Variants in VGLL2 observed in about 807,000 individuals in gnomAD.
The protein encoded by VGLL2 is vestigial like family member 2, also known as transcription cofactor vestigial-like protein 2.
Under a neutral mutation model 27.0 loss-of-function variants are expected in VGLL2, and 18 were observed. The observed-to-expected ratio is 0.67, with a 90% CI of 0.46 to 0.99. VGLL2 has a LOEUF of 0.99. Among genes scored for constraint, VGLL2 ranks in the 50% least tolerant of loss-of-function variants. The pLI is 0.00. For missense variants in VGLL2, 491 were observed against 452.3 expected (o/e 1.09, Z -0.78); for synonymous variants, 220 against 201.1 (o/e 1.09, Z -0.80).
chr6:117,268,172 C>A lies in VGLL2; in HGVS notation c.82-10C>A. 1 of 1,612,232 alleles carries A rather than the reference C, an allele frequency of 6.2e-7. No homozygotes were observed. The highest frequency in any genetic ancestry group is 1.1e-5 in the South Asian group (1 of 91,026). On this transcript the variant is annotated splice_polypyrimidine_tract_variant and intron_variant, in intron 1 of 3. Coordinates refer to ENST00000326274, the MANE Select transcript of VGLL2 (RefSeq NM_182645.3). Reference sequence around the variant, plus strand: ...AAATTGATATCTCTGTTCTTTCTCTCTCTGAACAGAAACTAGCCTATTATT... The same window carrying A: ...AAATTGATATCTCTGTTCTTTCTCTATCTGAACAGAAACTAGCCTATTATT...
chr6:117,270,817 G>C lies in VGLL2; in HGVS notation c.666G>C (p.Pro222=). ...TCGGCGCCCAGGCCGCCCCCTACCC[G>C]CGCCCCGCCGCCGTGCACGAAGTCT... ...GALGAQAAPY[P]RPAAVHEVYA... The change falls in exon 3 of 4, where the codon CCG becomes CCC. Residue 222 remains proline, a synonymous_variant. Transcript: ENST00000326274. The C allele has an allele frequency of 2.8e-6, 4 of 1,430,986 alleles. No individual in the cohort carries two copies. The highest frequency in any genetic ancestry group is 2.7e-6 in the Non-Finnish European group (3 of 1,094,780). The allele number at this position is 1,430,986 out of a possible 1,614,324, so 88.6% of individuals were successfully genotyped here.
At chr6:117,269,486 A>G (rs978458730) in intron 2 of VGLL2, among the ~76,000 whole-genome samples, 1 of 152,212 alleles carries the variant, frequency 6.6e-6, no homozygotes, top group Admixed American at 6.5e-5. Flanking sequence ...TTGCCCTTAG[A>G]CAAGATCCAA....
intron 1 of VGLL2, among the ~76,000 whole-genome samples, chr6:117,267,145 A>G (rs567818741): frequency 6.6e-6 from 1 of 152,238 alleles, no homozygotes; most frequent in Non-Finnish European, 1.5e-5. Context: ...TGGTTTTCTG[A>G]CTGGCCCTTT....
chr6:117,268,021 G>C, intron 1 of VGLL2, among the ~76,000 whole-genome samples, 161 bp from the exon 2 acceptor site: 1 of 152,140 alleles, frequency 6.6e-6, no homozygotes, highest in East Asian at 1.9e-4. Context: ...TGCTAACTAT[G>C]TTGCCCCGCT....
chr6:117,271,324 G>A (rs210977), intron 3 of VGLL2, among the ~76,000 whole-genome samples: 21,375 of 138,050 alleles, frequency 0.15, 2,158 homozygotes, highest in African/African-American at 0.31. Flanking sequence ...TAATAATAAT[G>A]ATAATAATAA....
intron 3 of VGLL2, chr6:117,272,252 C>G (rs1773219178): frequency 1.1e-6 from 1 of 947,464 alleles, no homozygotes; most frequent in Non-Finnish European, 1.3e-6. Flanking sequence ...CTCTCCCTCT[C>G]CCTCTCTTTC....
chr6:117,271,088 C>A, intron 3 of VGLL2, 24 bp downstream of exon 3: 1 of 1,212,940 alleles, frequency 8.2e-7, no homozygotes, highest in South Asian at 4.1e-5. Flanking sequence ...GAAGTTTGGT[C>A]TCCGCGGAGC....
At position 117,270,697 on chromosome 6, in the gene VGLL2, G is replaced by C; in HGVS notation, c.546G>C (p.Leu182=). ...AAADPYSPAA[L]HGHLHQGATE... The stretch of plus-strand genomic sequence containing the variant: ...CCGACCCCTACTCGCCCGCCGCGCT[G>C]CATGGCCACCTGCACCAGGGCGCCA... Residue 182 remains leucine, a synonymous_variant, in exon 3 of 4, where the codon CTG becomes CTC. Coordinates refer to ENST00000326274, the MANE Select transcript of VGLL2 (RefSeq NM_182645.3). 1 of 1,537,814 alleles carries C rather than the reference G, an allele frequency of 6.5e-7. No homozygotes were observed. Among genetic ancestry groups the C allele is most frequent in the Non-Finnish European group, 8.7e-7 (1 of 1,150,730 alleles).
At chr6:117,266,064 T>C (rs527572425) in intron 1 of VGLL2, among the ~76,000 whole-genome samples, 1 of 152,326 alleles carries the variant, frequency 6.6e-6, no homozygotes, top group African/African-American at 2.4e-5. Flanking sequence ...AGCTAAGCCC[T>C]GCTAATGTGA....
At chr6:117,268,940 G>T (rs927271600) in intron 2 of VGLL2, among the ~76,000 whole-genome samples, 2 of 152,130 alleles carry the variant, frequency 1.3e-5, no homozygotes, top group Non-Finnish European at 2.9e-5. Context: ...ACTCTAAAGA[G>T]CACTTTCCCA....
At chr6:117,267,561 C>G (rs1216489871) in intron 1 of VGLL2, among the ~76,000 whole-genome samples, 1 of 152,046 alleles carries the variant, frequency 6.6e-6, no homozygotes, top group Non-Finnish European at 1.5e-5. Flanking sequence ...GTCATGTTAC[C>G]CCAGATTTTT....
chr6:117,267,153 T>C (rs538250124), intron 1 of VGLL2, among the ~76,000 whole-genome samples: 1 of 152,332 alleles, frequency 6.6e-6, no homozygotes, highest in East Asian at 1.9e-4. Flanking sequence ...TGACTGGCCC[T>C]TTCTTCTCCC....
intron 3 of VGLL2, chr6:117,272,248 C>T (rs1773219082): frequency 1.1e-6 from 1 of 931,374 alleles, no homozygotes; most frequent in Admixed American, 6.2e-5. Context: ...CTCTCTCTCC[C>T]TCTCCCTCTC....
At position 117,270,676 on chromosome 6, in the gene VGLL2, C is replaced by G. The variant is rs1248549380; in HGVS notation, c.525C>G (p.Asp175Glu). ...CGGAGCTGCCCTTCGCCGCCGCCGA[C>G]CCCTACTCGCCCGCCGCGCTGCATG... ...AHSELPFAAA[D>E]PYSPAALHGH... The change falls in exon 3 of 4, where the codon GAC (aspartate) becomes GAG (glutamate). Residue 175 changes from aspartate (D) to glutamate (E), a missense_variant. Coordinates refer to ENST00000326274, the MANE Select transcript of VGLL2 (RefSeq NM_182645.3). 6.5e-7 allele frequency: 1 copy of G among 1,547,260 alleles called. No homozygotes were observed. The highest frequency in any genetic ancestry group is 1.9e-5 in the Admixed American group (1 of 53,900).
rs543252482 is a variant in VGLL2, at chr6:117,268,526, G to C, written c.391+35G>C. On this transcript the variant is annotated intron_variant, in intron 2 of 3. Coordinates refer to ENST00000326274, the MANE Select transcript of VGLL2 (RefSeq NM_182645.3). ...GGGCCCTGCTGGGAAGGACCCATAG[G>C]GGGTCCTCTCAGCCTGGGGTTCACC... The C allele has an allele frequency of 5.3e-5, 81 of 1,527,110 alleles. No individual in the cohort carries two copies. The Admixed American group carries it at 1.7e-3, about 32-fold the overall frequency. 94.6% of individuals were successfully genotyped at this position (1,527,110 alleles called of 1,614,324 possible).
At chr6:117,271,350 A>C (rs1271952708) in intron 3 of VGLL2, among the ~76,000 whole-genome samples, 1 of 139,386 alleles carries the variant, frequency 7.2e-6, no homozygotes, top group African/African-American at 2.9e-5. Flanking sequence ...ATAATAATAA[A>C]ATTTAGTGGA....
At chr6:117,270,493 C>T in intron 2 of VGLL2, 50 bp from the exon 3 acceptor site, 2 of 1,522,820 alleles carry the variant, frequency 1.3e-6, no homozygotes, top group Non-Finnish European at 1.8e-6. Context: ...GCCGCAGTGA[C>T]ACGCACCTCT....
chr6:117,267,310 C>T (rs770763511), intron 1 of VGLL2, among the ~76,000 whole-genome samples: 3 of 152,264 alleles, frequency 2.0e-5, no homozygotes, highest in Admixed American at 6.5e-5. Context: ...ACAGAAGCTG[C>T]GCCTGCTTTT....
chr6:117,268,510 TG>T lies in VGLL2; in HGVS notation c.391+22del, dbSNP rs773594641. The T allele has an allele frequency of 1.9e-6, 3 of 1,574,926 alleles. No individual in the cohort carries two copies. In the Admixed American group the frequency reaches 5.6e-5, roughly 30 times the overall value. On this transcript the variant is annotated intron_variant, in intron 2 of 3. Transcript: ENST00000326274. ...TGGCGAGGTGAGTATAGGGCCCTGCTGGGAAGGACCCATAGGGGGTCCTCTC... is the reference window on the plus strand; with the variant it reads ...TGGCGAGGTGAGTATAGGGCCCTGCTGGAAGGACCCATAGGGGGTCCTCTC...
Sources: allele counts gnomAD v4.1 joint callset (sites outside exome capture counted in the v4.1 genomes callset), GRCh38; gene constraint gnomAD v4.1.1; transcripts MANE v1.5; gene names NCBI Gene and HGNC (gene_info 2026-07-23, HGNC 2026-07-21).